ADAMTS12: variants seen among roughly 807,000 people sequenced by gnomAD.
ADAMTS12 encodes ADAM metallopeptidase with thrombospondin type 1 motif 12, also known as A disintegrin and metalloproteinase with thrombospondin motifs 12.
In ADAMTS12, 118 loss-of-function variants were observed where a neutral mutation model predicts 167.8. The observed-to-expected ratio is 0.70, with a 90% CI of 0.61 to 0.82. ADAMTS12 has a LOEUF of 0.82. Among genes scored for constraint, ADAMTS12 ranks in the 40% least tolerant of loss-of-function variants. The pLI is 0.00. For synonymous variants in ADAMTS12, 704 were observed against 716.9 expected (o/e 0.98, Z 0.29); for missense variants, 1,916 against 1,998.8 (o/e 0.96, Z 0.79).
chr5:33,717,782 C>A (rs1240751812), intron 3 of ADAMTS12, among the ~76,000 whole-genome samples: 1 of 152,112 alleles, frequency 6.6e-6, no homozygotes, highest in Non-Finnish European at 1.5e-5. Flanking sequence ...AAATGATGAA[C>A]AATAACTGAT....
chr5:33,731,179 ATCTT>A (rs1387211080), intron 3 of ADAMTS12, among the ~76,000 whole-genome samples: 1 of 150,800 alleles, frequency 6.6e-6, no homozygotes, highest in Non-Finnish European at 1.5e-5. Flanking sequence ...TTCTCTGCTT[ATCTT>A]TCTTTTCTTT....
rs373121025 is a variant in ADAMTS12, at chr5:33,739,772, C to G, written c.634+11632G>C. Among the ~76,000 whole-genome samples, 77 of 152,204 alleles carry G rather than the reference C, an allele frequency of 5.1e-4. 1 individual carries two copies. The South Asian group carries it at 0.015, about 29-fold the overall frequency. Reference sequence around the variant, plus strand: ...GAGGCAGAGTACCAGGAGCAGTGGGCCTGTGCTCCGAAGTTTGTGGCTGTT... The same window carrying G: ...GAGGCAGAGTACCAGGAGCAGTGGGGCTGTGCTCCGAAGTTTGTGGCTGTT... On this transcript the variant is annotated intron_variant, in intron 3 of 23. Transcript: ENST00000504830.
intron 2 of ADAMTS12, among the ~76,000 whole-genome samples, chr5:33,852,912 C>T (rs187810443): frequency 2.6e-5 from 4 of 152,228 alleles, no homozygotes; most frequent in East Asian, 3.9e-4. Context: ...ACAAAAAAAA[C>T]ACATGCATAC....
chr5:33,573,212 C>A (rs200451833), intron 19 of ADAMTS12, among the ~76,000 whole-genome samples: 282 of 130,584 alleles, frequency 2.2e-3, no homozygotes, highest in East Asian at 3.8e-3. Flanking sequence ...CCCCATCAAG[C>A]TACCAATGAC....
chr5:33,527,162 T>G lies in ADAMTS12; in HGVS notation c.*26A>C, dbSNP rs752762921. 8.1e-6 allele frequency: 13 copies of G among 1,612,978 alleles called. No homozygotes were observed. The East Asian group carries it at 2.9e-4, about 36-fold the overall frequency. On this transcript the variant is annotated 3_prime_UTR_variant, in exon 24 of 24. Coordinates refer to ENST00000504830, the MANE Select transcript of ADAMTS12 (RefSeq NM_030955.4). ...TCATGGTCAGCAGGCTGCTGCAGTC[T>G]GGTGGAAGCTGGCTTCCTTTTGGGC...
intron 1 of ADAMTS12, among the ~76,000 whole-genome samples, chr5:33,881,797 C>G (rs1750459052): frequency 6.8e-6 from 1 of 147,614 alleles, no homozygotes; most frequent in Non-Finnish European, 1.5e-5. Context: ...TGGTCTTGAA[C>G]TCCCGACCTC....
chr5:33,699,753 C>T (rs893300839), intron 3 of ADAMTS12, among the ~76,000 whole-genome samples: 15 of 152,082 alleles, frequency 9.9e-5, no homozygotes, highest in African/African-American at 3.1e-4. Context: ...AAAGAAAAAG[C>T]CCATTTGAGG....
chr5:33,837,672 T>A (rs758032507), intron 2 of ADAMTS12, among the ~76,000 whole-genome samples: 5 of 152,210 alleles, frequency 3.3e-5, no homozygotes, highest in Non-Finnish European at 5.9e-5. Flanking sequence ...TGCATGATGA[T>A]TTTGTAAAAG....
Position 33,624,311 on chromosome 5 carries a change from T to A in ADAMTS12, c.2063A>T (p.Glu688Val), listed in dbSNP as rs1177306345. ...TCCCAGGCACACACCGCAGCGATCC[T>A]CGGTGGCATTGGAATCGATCTCATA... ...CDYEIDSNAT[E>V]DRCGVCLGDG... Residue 688 changes from glutamate (E) to valine (V), a missense_variant, in exon 14 of 24, where the codon GAG becomes GTG. Transcript: ENST00000504830. The A allele has an allele frequency of 6.2e-7, 1 of 1,613,956 alleles. No individual in the cohort carries two copies. Among genetic ancestry groups the A allele is most frequent in the Non-Finnish European group, 8.5e-7 (1 of 1,179,970 alleles).
chr5:33,863,835 T>C (rs916689358), intron 2 of ADAMTS12, among the ~76,000 whole-genome samples: 1 of 152,176 alleles, frequency 6.6e-6, no homozygotes, highest in Non-Finnish European at 1.5e-5. Flanking sequence ...CAAAACAACA[T>C]AGTACTGGTA....
intron 2 of ADAMTS12, among the ~76,000 whole-genome samples, chr5:33,859,780 G>A (rs1749534337): frequency 1.3e-5 from 2 of 152,126 alleles, no homozygotes; most frequent in South Asian, 4.2e-4. Context: ...CATCTCGTGG[G>A]TGCCCCTCTG....
chr5:33,653,966 C>T lies in ADAMTS12; in HGVS notation c.1190+4218G>A, dbSNP rs577519498. On this transcript the variant is annotated intron_variant, in intron 7 of 23. Transcript: ENST00000504830. ...CGTAAGATCTTTTGTTATATTCTCA[C>T]GGGTCTCTGAAGCTCTGTTCAATTT... Among the ~76,000 whole-genome samples, 13 of 152,230 alleles carry T rather than the reference C, an allele frequency of 8.5e-5. No homozygotes were observed. The South Asian group carries it at 1.2e-3, about 15-fold the overall frequency.
At chr5:33,742,330 TA>T (rs3037104) in intron 3 of ADAMTS12, among the ~76,000 whole-genome samples, 105,909 of 134,838 alleles carry the variant, frequency 0.79, 41,584 homozygotes, top group Non-Finnish European at 0.85. Flanking sequence ...TCCTTCCCCG[TA>T]AAAAAAAAAA....
chr5:33,710,686 C>T (rs74486111), intron 3 of ADAMTS12, among the ~76,000 whole-genome samples: 39 of 152,258 alleles, frequency 2.6e-4, no homozygotes, highest in Middle Eastern at 3.4e-3. Flanking sequence ...GTGGAAGACA[C>T]GAACAGACTG....
chr5:33,550,868 T>C (rs935714336), intron 20 of ADAMTS12, among the ~76,000 whole-genome samples: 2 of 152,116 alleles, frequency 1.3e-5, no homozygotes, highest in African/African-American at 2.4e-5. Context: ...ATGGCCATTA[T>C]GAAGCTGTTG....
intron 22 of ADAMTS12, among the ~76,000 whole-genome samples, chr5:33,541,699 A>T (rs1744703825): frequency 6.6e-6 from 1 of 152,250 alleles, no homozygotes; most frequent in South Asian, 2.1e-4. Context: ...CTTAAAGAAA[A>T]GAATTTTCAA....
intron 2 of ADAMTS12, among the ~76,000 whole-genome samples, chr5:33,849,528 G>A (rs1749122617): frequency 7.2e-6 from 1 of 139,340 alleles, no homozygotes; most frequent in Non-Finnish European, 1.5e-5. Flanking sequence ...TATATGTATT[G>A]CATAGCAATA....
In ADAMTS12 at chr5:33,577,982, T is replaced by A. The variant is rs114519407; in HGVS notation, c.2866-822A>T. On this transcript the variant is annotated intron_variant, in intron 18 of 23. Transcript: ENST00000504830. ...TACATGGTAAAGAATCTTCATTGCA[T>A]CAATTTCAACACCTGTGAATGGCAG... Among the ~76,000 whole-genome samples the A allele has an allele frequency of 9.0e-4, 137 of 152,330 alleles. 1 individual carries two copies. The highest frequency in any genetic ancestry group is 3.2e-3 in the African/African-American group (132 of 41,576).
chr5:33,667,935 T>C (rs1741530826), intron 5 of ADAMTS12, among the ~76,000 whole-genome samples: 1 of 152,198 alleles, frequency 6.6e-6, no homozygotes, highest in South Asian at 2.1e-4. Context: ...AACTTCACCA[T>C]ACTACTGCAC....
Sources: allele counts gnomAD v4.1 joint callset (sites outside exome capture counted in the v4.1 genomes callset), GRCh38; gene constraint gnomAD v4.1.1; transcripts MANE v1.5; gene names NCBI Gene and HGNC (gene_info 2026-07-23, HGNC 2026-07-21).